Variants in KIF5C observed in about 807,000 individuals in gnomAD.
KIF5C encodes kinesin heavy chain isoform 5C.
KIF5C carries 18 observed loss-of-function variants against 125.2 expected under a neutral mutation model. That is an observed-to-expected ratio of 0.14 (90% CI 0.10 to 0.21). KIF5C has a LOEUF of 0.21. Among genes scored for constraint, KIF5C ranks in the 10% least tolerant of loss-of-function variants. The pLI, the probability that KIF5C is intolerant of heterozygous loss-of-function variation, is 1.00. For missense variants in KIF5C, 780 were observed against 1,183.8 expected (o/e 0.66, Z 5.01); for synonymous variants, 405 against 434.0 (o/e 0.93, Z 0.83).
chr2:148,933,790 C>T (rs1440290361), intron 3 of KIF5C, among the ~76,000 whole-genome samples: 1 of 151,000 alleles, frequency 6.6e-6, no homozygotes, highest in Admixed American at 6.6e-5. Context: ...TACCACATAC[C>T]CCCCATATAC....
At chr2:148,914,090 A>G (rs1405831410) in intron 1 of KIF5C, among the ~76,000 whole-genome samples, 1 of 152,228 alleles carries the variant, frequency 6.6e-6, no homozygotes, top group Non-Finnish European at 1.5e-5. Flanking sequence ...AGCCAGAACT[A>G]TTCAACCTTT....
intron 11 of KIF5C, among the ~76,000 whole-genome samples, chr2:148,963,525 A>G (rs1319238868): frequency 2.0e-5 from 3 of 152,228 alleles, no homozygotes; most frequent in Non-Finnish European, 4.4e-5. Flanking sequence ...TTATTTTTGA[A>G]AGATTTTCTA....
rs545262085 is a variant in KIF5C, at chr2:148,875,836, C to T, written c.126+93C>T. On this transcript the variant is annotated intron_variant, in intron 1 of 25. Coordinates refer to ENST00000435030, the MANE Select transcript of KIF5C (RefSeq NM_004522.3). Reference sequence around the variant, plus strand: ...CGCAGCGGAGGTGTTTAGGCCGCCCCCTCGGACATTCCCGCGGGGCTGGCC... The same window carrying T: ...CGCAGCGGAGGTGTTTAGGCCGCCCTCTCGGACATTCCCGCGGGGCTGGCC... The T allele has an allele frequency of 2.0e-4, 293 of 1,486,696 alleles. 1 individual carries two copies. The African/African-American group carries it at 3.7e-3, about 19-fold the overall frequency. The allele number at this position is 1,486,696 out of a possible 1,614,324, so 92.1% of individuals were successfully genotyped here. A position where few individuals can be genotyped will look rare whatever the true frequency, so the allele number is the denominator to read the frequency against.
chr2:148,912,571 A>T (rs959502608), intron 1 of KIF5C, among the ~76,000 whole-genome samples: 1 of 152,174 alleles, frequency 6.6e-6, no homozygotes, highest in African/African-American at 2.4e-5. Flanking sequence ...CAGCCTCCTG[A>T]CTAGCTAGGA....
intron 8 of KIF5C, chr2:148,947,426 C>T (rs989423349): frequency 5.1e-6 from 1 of 195,570 alleles, no homozygotes; most frequent in Non-Finnish European, 1.0e-5. Context: ...ATGTGGCAGT[C>T]CTGCCTCTGC....
intron 7 of KIF5C, among the ~76,000 whole-genome samples, chr2:148,945,477 T>C (rs2105107311): frequency 6.6e-6 from 1 of 152,346 alleles, no homozygotes; most frequent in East Asian, 1.9e-4. Flanking sequence ...GGGCCCTTTA[T>C]TCTCTTCTGT....
intron 11 of KIF5C, among the ~76,000 whole-genome samples, chr2:148,964,228 A>G (rs970288950): frequency 5.3e-5 from 8 of 151,012 alleles, no homozygotes; most frequent in African/African-American, 1.9e-4. Flanking sequence ...TGAGCCGAGA[A>G]CCCACCATTG....
chr2:149,014,637 A>G (rs543762701), intron 25 of KIF5C, among the ~76,000 whole-genome samples: 1 of 152,342 alleles, frequency 6.6e-6, no homozygotes, highest in Admixed American at 6.5e-5. Flanking sequence ...GGTCATTGGC[A>G]TTGACAGAAG....
intron 10 of KIF5C, among the ~76,000 whole-genome samples, chr2:148,956,160 T>G (rs1159820413): frequency 6.6e-6 from 1 of 152,136 alleles, no homozygotes; most frequent in Non-Finnish European, 1.5e-5. Flanking sequence ...CTTACGAGGG[T>G]GCCTTCAGTG....
intron 1 of KIF5C, among the ~76,000 whole-genome samples, chr2:148,905,709 A>G (rs952546855): frequency 3.3e-5 from 5 of 152,198 alleles, no homozygotes; most frequent in African/African-American, 1.2e-4. Flanking sequence ...AGCCAGGGTC[A>G]AGGAGTGGGA....
At chr2:149,021,798 T>C (rs1443386819) in intron 25 of KIF5C, among the ~76,000 whole-genome samples, 2 of 151,392 alleles carry the variant, frequency 1.3e-5, no homozygotes, top group Non-Finnish European at 2.9e-5. Flanking sequence ...GGTAATTCCA[T>C]GTATTTCTTA....
At chr2:148,885,818 A>T (rs1681504642) in intron 1 of KIF5C, 1 of 152,232 alleles carries the variant, frequency 6.6e-6, no homozygotes, top group African/African-American at 2.4e-5. Flanking sequence ...AGAGCTGCAG[A>T]TCACTAATAG....
At chr2:148,980,513 C>T (rs1305527823) in intron 13 of KIF5C, among the ~76,000 whole-genome samples, 3 of 151,860 alleles carry the variant, frequency 2.0e-5, no homozygotes, top group Non-Finnish European at 4.4e-5. Context: ...CCTTCTATAT[C>T]TTCATGATGG....
rs181938050 is a variant in KIF5C, at chr2:148,899,657, C to T, written c.127-22480C>T. Among the ~76,000 whole-genome samples the T allele has an allele frequency of 1.5e-3, 221 of 145,502 alleles. 1 individual carries two copies. Among genetic ancestry groups the T allele is most frequent in the Middle Eastern group, 3.5e-3 (1 of 286 alleles). On this transcript the variant is annotated intron_variant, in intron 1 of 25. Transcript: ENST00000435030. ...GGCAGAGGTTGCGGTGAGCCGAGGTCGCGCCACTGCTCTCCGCCTGGGCAA... is the reference window on the plus strand; with the variant it reads ...GGCAGAGGTTGCGGTGAGCCGAGGTTGCGCCACTGCTCTCCGCCTGGGCAA...
intron 11 of KIF5C, among the ~76,000 whole-genome samples, chr2:148,967,828 C>T (rs1027587424): frequency 1.1e-4 from 17 of 152,022 alleles, no homozygotes; most frequent in Non-Finnish European, 2.4e-4. Flanking sequence ...CTTTGTTGCT[C>T]ATATGTGCGG....
chr2:148,945,201 A>G (rs1682493724), intron 7 of KIF5C, among the ~76,000 whole-genome samples: 1 of 152,160 alleles, frequency 6.6e-6, no homozygotes, highest in Admixed American at 6.5e-5. Flanking sequence ...CCAAGAAATT[A>G]TTGCCAAGTC....
At chr2:148,942,651 A>G in intron 6 of KIF5C, 22 bp from the exon 7 acceptor site, 2 of 1,600,364 alleles carry the variant, frequency 1.2e-6, no homozygotes, top group Non-Finnish European at 1.7e-6. Context: ...TCAGTGGTGA[A>G]CCTGAACTGA....
chr2:149,008,266 C>G (rs976491361), intron 23 of KIF5C, among the ~76,000 whole-genome samples, 199 bp downstream of exon 23: 2 of 152,160 alleles, frequency 1.3e-5, no homozygotes, highest in African/African-American at 4.8e-5. Flanking sequence ...AAAGGACTTT[C>G]TTTTATCAAA....
intron 3 of KIF5C, among the ~76,000 whole-genome samples, chr2:148,934,331 A>T (rs368523974): frequency 6.6e-6 from 1 of 151,708 alleles, no homozygotes; most frequent in African/African-American, 2.4e-5. Flanking sequence ...AGAGATGTAC[A>T]CATCACACAC....
Sources: allele counts gnomAD v4.1 joint callset (sites outside exome capture counted in the v4.1 genomes callset), GRCh38; gene constraint gnomAD v4.1.1; transcripts MANE v1.5; gene names NCBI Gene and HGNC (gene_info 2026-07-23, HGNC 2026-07-21).